GALNT8: variants seen among roughly 807,000 people sequenced by gnomAD.
The protein encoded by GALNT8 is polypeptide N-acetylgalactosaminyltransferase 8, also known as probable polypeptide N-acetylgalactosaminyltransferase 8.
In GALNT8, 66 loss-of-function variants were observed where a neutral mutation model predicts 62.7. The ratio of observed to expected loss-of-function variants is 1.05; its 90% CI spans 0.86 to 1.29. The LOEUF is 1.29. GALNT8 is among the 50% of genes most tolerant of loss of function. GALNT8 has a pLI of 0.00. For synonymous variants in GALNT8, 288 were observed against 294.3 expected, an observed-to-expected ratio of 0.98 and a Z score of 0.22; for missense variants, 771 against 791.8, an observed-to-expected ratio of 0.97 and a Z score of 0.32.
chr12:4,758,319 CA>C lies in GALNT8; in HGVS notation c.1174-2637del, dbSNP rs140183019. Among the ~76,000 whole-genome samples the C allele has an allele frequency of 1.8e-4, 28 of 152,030 alleles. No homozygotes were observed. In the East Asian group the frequency reaches 4.5e-3, roughly 24 times the overall value. On this transcript the variant is annotated intron_variant, in intron 6 of 10. Coordinates refer to ENST00000252318, the MANE Select transcript of GALNT8 (RefSeq NM_017417.2). ...TGGCCATGACAGGGATGGTGCTCATCAATGTGTGTAAATGGAGATGATGGGT... is the reference window on the plus strand; with the variant it reads ...TGGCCATGACAGGGATGGTGCTCATCATGTGTGTAAATGGAGATGATGGGT...
rs1946195539 is a variant in GALNT8, at chr12:4,726,405, A to C, written c.212-127A>C. The C allele has an allele frequency of 1.5e-6, 1 of 667,368 alleles. No homozygotes were observed. The highest frequency in any genetic ancestry group is 2.9e-5 in the Admixed American group (1 of 34,592). The allele number at this position is 667,368 out of a possible 1,614,324, so 41.3% of individuals were successfully genotyped here. A position where few individuals can be genotyped will look rare whatever the true frequency, so the allele number is the denominator to read the frequency against. ...CCTGACATACTACATCCTCTGTGAC[A>C]AGAGCTTATAAGTTTTAAGATGTAG... On this transcript the variant is annotated intron_variant, in intron 1 of 10. Coordinates refer to ENST00000252318, the MANE Select transcript of GALNT8 (RefSeq NM_017417.2). This position sits in a 1 kb window ranked among gnomAD's most constrained non-coding sequence, Gnocchi z 4.1.
intron 3 of GALNT8, among the ~76,000 whole-genome samples, chr12:4,741,579 G>GAA (rs34410344): frequency 4.0e-4 from 58 of 145,830 alleles, no homozygotes; most frequent in Non-Finnish European, 7.4e-4. Context: ...TTTTTCTGTG[G>GAA]AAAAAAAAAA....
chr12:4,720,549 C>T lies in GALNT8; in HGVS notation c.-129C>T. On this transcript the variant is annotated 5_prime_UTR_variant, in exon 1 of 11. Transcript: ENST00000252318. ...CGTGGCTTCCCATGGGTGTCTCACA[C>T]AGGGGAGACCAACTCAACTGGCACC... 2.9e-6 allele frequency: 2 copies of T among 685,690 alleles called. No homozygotes were observed. Among genetic ancestry groups the T allele is most frequent in the Non-Finnish European group, 5.3e-6 (2 of 380,854 alleles). The allele number at this position is 685,690 out of a possible 1,614,324, so 42.5% of individuals were successfully genotyped here. A position where few individuals can be genotyped will look rare whatever the true frequency, so the allele number is the denominator to read the frequency against.
At chr12:4,747,980 G>A (rs1033643207) in intron 6 of GALNT8, among the ~76,000 whole-genome samples, 1 of 152,158 alleles carries the variant, frequency 6.6e-6, no homozygotes, top group Non-Finnish European at 1.5e-5. Flanking sequence ...GTGATGTTGA[G>A]TATCTTTTCA....
At chr12:4,754,119 A>G (rs1344473517) in intron 6 of GALNT8, among the ~76,000 whole-genome samples, 1 of 152,114 alleles carries the variant, frequency 6.6e-6, no homozygotes, top group Non-Finnish European at 1.5e-5. Flanking sequence ...CGCCACTGTG[A>G]CTGCTCTGGG....
At chr12:4,727,210 C>T (rs1400235716) in intron 2 of GALNT8, among the ~76,000 whole-genome samples, 1 of 152,102 alleles carries the variant, frequency 6.6e-6, no homozygotes, top group African/African-American at 2.4e-5. Flanking sequence ...TGCTCAAATT[C>T]TCTACTTGAA....
chr12:4,771,578 G>A (rs1024029801), intron 10 of GALNT8, among the ~76,000 whole-genome samples: 1 of 152,154 alleles, frequency 6.6e-6, no homozygotes, highest in Non-Finnish European at 1.5e-5. Flanking sequence ...GTCTGAAGGG[G>A]AACAGTGAGG....
intron 2 of GALNT8, among the ~76,000 whole-genome samples, chr12:4,729,144 A>G (rs922965271): frequency 6.6e-6 from 1 of 152,160 alleles, no homozygotes; most frequent in African/African-American, 2.4e-5. Flanking sequence ...GTTTTTAAAA[A>G]TATTTTATTT....
chr12:4,748,782 T>C (rs1946311122), intron 6 of GALNT8, among the ~76,000 whole-genome samples: 1 of 152,158 alleles, frequency 6.6e-6, no homozygotes. Flanking sequence ...AGGGATTGTA[T>C]TTAATCCGTA....
At chr12:4,730,588 T>G (rs1354209354) in intron 2 of GALNT8, among the ~76,000 whole-genome samples, 1 of 152,218 alleles carries the variant, frequency 6.6e-6, no homozygotes, top group Non-Finnish European at 1.5e-5. Context: ...TTTATGGCAG[T>G]ATCATGCTGT....
In GALNT8 at chr12:4,761,026, C is replaced by T. The variant is rs781614065; in HGVS notation, c.1242C>T (p.His414=). 1.9e-6 allele frequency: 3 copies of T among 1,614,132 alleles called. No homozygotes were observed. The highest frequency in any genetic ancestry group is 2.2e-5 in the East Asian group (1 of 44,878). Residue 414 remains histidine (H), a synonymous_variant, in exon 7 of 11, where the codon CAC becomes CAT. Coordinates refer to ENST00000252318, the MANE Select transcript of GALNT8 (RefSeq NM_017417.2). ...CSRIAHLERH[H]KPYALDLTAA... ...GGATTGCCCACCTAGAGAGACACCA[C>T]AAGCCCTACGCCTTGGATCTCACCG...
intron 8 of GALNT8, among the ~76,000 whole-genome samples, chr12:4,763,703 C>T (rs1159066674): frequency 6.6e-6 from 1 of 152,066 alleles, no homozygotes; most frequent in Non-Finnish European, 1.5e-5. Flanking sequence ...GCGCCCCTCC[C>T]TGTGTGTGTG....
intron 2 of GALNT8, among the ~76,000 whole-genome samples, chr12:4,727,524 C>T (rs932633427): frequency 6.6e-6 from 1 of 152,184 alleles, no homozygotes; most frequent in Admixed American, 6.5e-5. Context: ...CTACAACTTC[C>T]TCATCCATAG....
At chr12:4,728,616 A>T (rs926819771) in intron 2 of GALNT8, among the ~76,000 whole-genome samples, 13 of 151,978 alleles carry the variant, frequency 8.6e-5, no homozygotes, top group African/African-American at 2.7e-4. Flanking sequence ...TGAATAGACT[A>T]CTCTTTCCAC....
chr12:4,761,587 C>T (rs1334676629), intron 7 of GALNT8, among the ~76,000 whole-genome samples: 1 of 151,266 alleles, frequency 6.6e-6, no homozygotes, highest in Non-Finnish European at 1.5e-5. Context: ...TTGTTGGATG[C>T]ACAAGAATGA....
intron 9 of GALNT8, among the ~76,000 whole-genome samples, chr12:4,765,048 C>A (rs1353159468): frequency 6.6e-6 from 1 of 152,138 alleles, no homozygotes; most frequent in Non-Finnish European, 1.5e-5. Flanking sequence ...GAAAGGTTTT[C>A]TGACAACAAA....
At chr12:4,750,344 C>A (rs1424503494) in intron 6 of GALNT8, among the ~76,000 whole-genome samples, 1 of 151,894 alleles carries the variant, frequency 6.6e-6, no homozygotes, top group Non-Finnish European at 1.5e-5. Flanking sequence ...TCCCACCCTC[C>A]ACCCTCCACC....
At position 4,745,415 on chromosome 12, in the gene GALNT8, C is replaced by T. The variant is rs757411403; in HGVS notation, c.861-14C>T. 4 of 1,571,594 alleles carry T rather than the reference C, an allele frequency of 2.5e-6. No homozygotes were observed. In the Admixed American group the frequency reaches 6.7e-5, roughly 26 times the overall value. ...TCATATCCAAGCTGGGCTTTCTGCACACTCTTGTTCTAGGGCAGAGCCAAT... is the reference window on the plus strand; with the variant it reads ...TCATATCCAAGCTGGGCTTTCTGCATACTCTTGTTCTAGGGCAGAGCCAAT... On this transcript the variant is annotated splice_polypyrimidine_tract_variant and intron_variant, in intron 4 of 10. Coordinates refer to ENST00000252318, the MANE Select transcript of GALNT8 (RefSeq NM_017417.2).
intron 3 of GALNT8, among the ~76,000 whole-genome samples, chr12:4,739,780 T>G (rs1019389180): frequency 6.6e-6 from 1 of 151,806 alleles, no homozygotes; most frequent in African/African-American, 2.4e-5. Context: ...TTCTCCTGCC[T>G]CAGCCTCCCG....
Sources: allele counts gnomAD v4.1 joint callset (sites outside exome capture counted in the v4.1 genomes callset), GRCh38; gene constraint gnomAD v4.1.1; non-coding constraint Gnocchi (gnomAD v3.1); transcripts MANE v1.5; gene names NCBI Gene and HGNC (gene_info 2026-07-23, HGNC 2026-07-21).